The following MBOAT2 variants were observed in gnomAD, a reference collection of about 807,000 sequenced individuals.
MBOAT2 encodes membrane bound glycerophospholipid O-acyltransferase 2.
In MBOAT2, 28 loss-of-function variants were observed where a neutral mutation model predicts 63.4. The ratio of observed to expected loss-of-function variants is 0.44; its 90% CI spans 0.33 to 0.61. The LOEUF (loss-of-function observed/expected upper bound fraction) is 0.61, where lower values mean the gene tolerates loss of function less well. Among genes scored for constraint, MBOAT2 ranks in the 20% least tolerant of loss-of-function variants. The probability of loss-of-function intolerance (pLI) is 0.03; values close to 1 mark genes in which losing one functional copy is unlikely to be tolerated. For missense variants in MBOAT2, 470 were observed against 605.8 expected (o/e 0.78, Z 2.35); for synonymous variants, 211 against 215.6 (o/e 0.98, Z 0.19).
intron 4 of MBOAT2, among the ~76,000 whole-genome samples, chr2:8,899,572 G>C (rs1664757161): frequency 6.6e-6 from 1 of 152,240 alleles, no homozygotes; most frequent in African/African-American, 2.4e-5. Flanking sequence ...GGATCATCTG[G>C]TTGGGGGTTT....
At chr2:8,974,227 T>C in intron 1 of MBOAT2, 1 of 391,994 alleles carries the variant, frequency 2.6e-6, no homozygotes, top group South Asian at 1.9e-5. Flanking sequence ...GTGACTGGTC[T>C]CAGCCAATCA....
chr2:8,906,285 C>A (rs1393319792), intron 4 of MBOAT2, among the ~76,000 whole-genome samples: 2 of 152,216 alleles, frequency 1.3e-5, no homozygotes, highest in Non-Finnish European at 2.9e-5. Flanking sequence ...AAGTCACGTC[C>A]TATACAGCTG....
intron 4 of MBOAT2, among the ~76,000 whole-genome samples, chr2:8,900,067 AT>A (rs1466876530): frequency 2.0e-5 from 3 of 152,108 alleles, no homozygotes; most frequent in Non-Finnish European, 4.4e-5. Context: ...AGGCAGAAGG[AT>A]TTTTTTCCTT....
chr2:8,970,180 A>C lies in MBOAT2; in HGVS notation c.76-11538T>G, dbSNP rs185752183. On this transcript the variant is annotated intron_variant, in intron 1 of 12. Transcript: ENST00000305997. ...ATTATAACAAACTGTCTCTCAGACCACAGTGCAATCAAACTACAACTCAGC... is the reference window on the plus strand; with the variant it reads ...ATTATAACAAACTGTCTCTCAGACCCCAGTGCAATCAAACTACAACTCAGC... Among the ~76,000 whole-genome samples, 549 of 152,372 alleles carry C rather than the reference A, an allele frequency of 3.6e-3. 8 individuals are homozygous for C. Among genetic ancestry groups the C allele is most frequent in the South Asian group, 0.02 (97 of 4,826 alleles).
chr2:8,956,715 G>A (rs1669253851), intron 2 of MBOAT2, among the ~76,000 whole-genome samples: 1 of 152,108 alleles, frequency 6.6e-6, no homozygotes, highest in African/African-American at 2.4e-5. Context: ...GAAAAAATAA[G>A]AAATCCTGGT....
chr2:8,879,292 T>C (rs988138997), intron 6 of MBOAT2, among the ~76,000 whole-genome samples: 2 of 152,150 alleles, frequency 1.3e-5, no homozygotes, highest in African/African-American at 2.4e-5. Flanking sequence ...CAGAGCTCCA[T>C]TCTCAATACC....
chr2:8,936,101 C>A (rs1288227651), intron 3 of MBOAT2, among the ~76,000 whole-genome samples: 1 of 152,154 alleles, frequency 6.6e-6, no homozygotes, highest in Non-Finnish European at 1.5e-5. Flanking sequence ...TGCCCCCCAG[C>A]CTTTGGTACA....
intron 5 of MBOAT2, 100 bp from the exon 6 acceptor site, chr2:8,882,665 C>A: frequency 9.9e-7 from 1 of 1,011,262 alleles, no homozygotes; most frequent in South Asian, 1.4e-5. Flanking sequence ...GAAATTCATG[C>A]TATTATATTC....
chr2:8,978,277 G>C (rs1670964198), intron 1 of MBOAT2, among the ~76,000 whole-genome samples: 1 of 151,990 alleles, frequency 6.6e-6, no homozygotes, highest in Non-Finnish European at 1.5e-5. Context: ...TCCACACATG[G>C]AATGCACACA....
intron 2 of MBOAT2, among the ~76,000 whole-genome samples, chr2:8,951,810 G>A (rs763655435): frequency 1.3e-5 from 2 of 152,080 alleles, no homozygotes; most frequent in Non-Finnish European, 2.9e-5. Context: ...TGCTTATTTG[G>A]ATTTTCTCTC....
chr2:8,997,726 T>C (rs1199431424), intron 1 of MBOAT2, among the ~76,000 whole-genome samples: 1 of 152,238 alleles, frequency 6.6e-6, no homozygotes, highest in Admixed American at 6.5e-5. Context: ...TACTTATTAT[T>C]ATCCTTATTT....
At chr2:8,969,834 T>C (rs954335808) in intron 1 of MBOAT2, among the ~76,000 whole-genome samples, 10 of 152,184 alleles carry the variant, frequency 6.6e-5, no homozygotes, top group Non-Finnish European at 1.5e-4. Context: ...CCTAAATATA[T>C]ATGCACCCAA....
intron 4 of MBOAT2, among the ~76,000 whole-genome samples, chr2:8,893,892 G>C (rs565123419): frequency 6.6e-6 from 1 of 152,264 alleles, no homozygotes; most frequent in South Asian, 2.1e-4. Flanking sequence ...ACAGGTGAGA[G>C]GGCACACATC....
intron 3 of MBOAT2, among the ~76,000 whole-genome samples, chr2:8,928,072 C>A (rs1391520628): frequency 2.0e-5 from 3 of 152,000 alleles, no homozygotes; most frequent in Non-Finnish European, 4.4e-5. Context: ...CTTTAAATGA[C>A]CAGATCTCAC....
rs972171461 is a variant in MBOAT2, at chr2:8,893,232, T to C, written c.396-5159A>G. Among the ~76,000 whole-genome samples, 3 of 151,770 alleles carry C rather than the reference T, an allele frequency of 2.0e-5. No individual in the cohort carries two copies. The East Asian group carries it at 5.8e-4, about 29-fold the overall frequency. On this transcript the variant is annotated intron_variant, in intron 4 of 12. Transcript: ENST00000305997. ...ATTCGATAATGTATCCAATGTGGGG[T>C]TTCATACCTGGAACCACCAAGGTTT...
intron 9 of MBOAT2, among the ~76,000 whole-genome samples, chr2:8,868,172 GCCTTACC>G (rs773750302): frequency 6.6e-6 from 1 of 152,066 alleles, no homozygotes; most frequent in Non-Finnish European, 1.5e-5. Flanking sequence ...ATACCCACAT[GCCTTACC>G]CCTCTCTGAT....
Position 8,862,366 on chromosome 2 carries a change from G to T in MBOAT2, c.1185+224C>A, listed in dbSNP as rs779181542. On this transcript the variant is annotated intron_variant, in intron 11 of 12. Transcript: ENST00000305997. The surrounding 1 kb of genome is among the most constrained non-coding windows in gnomAD (Gnocchi z 4.3). Reference sequence around the variant, plus strand: ...ATTTTGTGAGTGCCTCCTACCTGCCGGGCACATAGAAACGTGTTTTCTCCT... The same window carrying T: ...ATTTTGTGAGTGCCTCCTACCTGCCTGGCACATAGAAACGTGTTTTCTCCT... 1 of 1,439,170 alleles carries T rather than the reference G, an allele frequency of 6.9e-7. No individual in the cohort carries two copies. Among genetic ancestry groups the T allele is most frequent in the Non-Finnish European group, 9.2e-7 (1 of 1,081,400 alleles). 89.2% of individuals were successfully genotyped at this position (1,439,170 alleles called of 1,614,324 possible).
At chr2:8,911,747 C>T (rs1048805979) in intron 3 of MBOAT2, among the ~76,000 whole-genome samples, 2 of 152,164 alleles carry the variant, frequency 1.3e-5, no homozygotes, top group African/African-American at 4.8e-5. Context: ...CCTTCTGCCA[C>T]ATGTAGAAGC....
rs562259417 is a variant in MBOAT2, at chr2:8,885,034, G to T, written c.452-2469C>A. On this transcript the variant is annotated intron_variant, in intron 5 of 12. Coordinates refer to ENST00000305997, the MANE Select transcript of MBOAT2 (RefSeq NM_138799.4). ...AGACTGAAAGCCTGCCACTGCTGCT[G>T]TGTCTAACAGCTGATACGGGTAGTC... Among the ~76,000 whole-genome samples the T allele has an allele frequency of 7.2e-5, 11 of 152,354 alleles. No homozygotes were observed. In the South Asian group the frequency reaches 2.3e-3, roughly 32 times the overall value.
Sources: allele counts gnomAD v4.1 joint callset (sites outside exome capture counted in the v4.1 genomes callset), GRCh38; gene constraint gnomAD v4.1.1; non-coding constraint Gnocchi (gnomAD v3.1); transcripts MANE v1.5; gene names NCBI Gene and HGNC (gene_info 2026-07-23, HGNC 2026-07-21).